Variants in GPC5 observed in about 807,000 individuals in gnomAD.
GPC5 encodes the protein glypican 5.
A neutral mutation model predicts 53.9 loss-of-function variants in GPC5; 47 were observed. The ratio of observed to expected loss-of-function variants is 0.87; its 90% CI spans 0.69 to 1.11. The LOEUF (loss-of-function observed/expected upper bound fraction) is 1.11, where lower values mean the gene tolerates loss of function less well. GPC5 is among the 50% of genes most tolerant of loss of function. The pLI is 0.00. For missense variants in GPC5, 748 were observed against 713.1 expected (o/e 1.05, Z -0.56); for synonymous variants, 286 against 263.3 (o/e 1.09, Z -0.84).
chr13:92,521,631 A>G (rs1390271595), intron 7 of GPC5, among the ~76,000 whole-genome samples: 1 of 152,230 alleles, frequency 6.6e-6, no homozygotes, highest in African/African-American at 2.4e-5. Flanking sequence ...TCAATTCAAG[A>G]TGGATTAAAG....
At chr13:92,671,650 A>C (rs868180815) in intron 7 of GPC5, among the ~76,000 whole-genome samples, 6 of 152,230 alleles carry the variant, frequency 3.9e-5, no homozygotes, top group African/African-American at 7.2e-5. Context: ...GATAGATAAC[A>C]ACAACGAAAA....
intron 7 of GPC5, among the ~76,000 whole-genome samples, chr13:92,756,940 C>T (rs1217835653): frequency 6.6e-6 from 1 of 151,866 alleles, no homozygotes. Context: ...CCATCCCCAT[C>T]AAGCTACCAA....
chr13:92,708,856 C>CTTTTTTTT (rs1566376292), intron 7 of GPC5, among the ~76,000 whole-genome samples: 1 of 87,018 alleles, frequency 1.1e-5, no homozygotes, highest in African/African-American at 3.8e-5. Context: ...CTGGAAACCG[C>CTTTTTTTT]CTTTTTTTTT....
intron 7 of GPC5, among the ~76,000 whole-genome samples, chr13:92,489,257 TA>T (rs1404428565): frequency 6.6e-6 from 1 of 152,202 alleles, no homozygotes. Flanking sequence ...TTCACTTATC[TA>T]ATGATCCTAT....
At chr13:92,460,144 T>TA (rs1201843895) in intron 7 of GPC5, among the ~76,000 whole-genome samples, 9 of 151,992 alleles carry the variant, frequency 5.9e-5, no homozygotes, top group South Asian at 2.1e-4. Flanking sequence ...GCCATAAAAA[T>TA]AAAAAAAATT....
rs774665049 is a variant in GPC5 at position 91,693,348 on chromosome 13, G to A, written c.487G>A (p.Val163Ile). ...TGCGGATGTTAATCCTGAAGAATTT[G>A]TAAACAGATTTTTTGACAGTCTTTT... ...FGADVNPEEFVNRFFDSLFPL... is the reference protein window; with the variant it reads ...FGADVNPEEFINRFFDSLFPL... The change falls in exon 3 of 8, where the codon GTA becomes ATA. Residue 163 changes from valine (V) to isoleucine (I), a missense_variant. Transcript: ENST00000377067. 4 of 1,614,136 alleles carry A rather than the reference G, an allele frequency of 2.5e-6. No individual in the cohort carries two copies. The South Asian group carries it at 3.3e-5, about 13-fold the overall frequency.
chr13:91,649,896 C>T (rs1451592230), intron 2 of GPC5, among the ~76,000 whole-genome samples: 1 of 152,116 alleles, frequency 6.6e-6, no homozygotes, highest in Non-Finnish European at 1.5e-5. Context: ...TTACTATGTT[C>T]AAATTTATAA....
intron 5 of GPC5, among the ~76,000 whole-genome samples, chr13:91,893,361 G>A (rs1360486665): frequency 6.6e-6 from 1 of 151,860 alleles, no homozygotes; most frequent in Non-Finnish European, 1.5e-5. Context: ...ATTTACTTAA[G>A]CCATGTGAAC....
chr13:92,064,331 A>G (rs1030824791), intron 6 of GPC5, among the ~76,000 whole-genome samples: 2 of 152,224 alleles, frequency 1.3e-5, no homozygotes, highest in African/African-American at 4.8e-5. Context: ...AAAAATTACC[A>G]ATATCTGGGT....
intron 1 of GPC5, among the ~76,000 whole-genome samples, chr13:91,417,678 T>C (rs912298524): frequency 6.6e-6 from 1 of 152,178 alleles, no homozygotes; most frequent in African/African-American, 2.4e-5. Flanking sequence ...TCCAGTTAGC[T>C]GTCCTTGGGA....
intron 7 of GPC5, among the ~76,000 whole-genome samples, chr13:92,623,234 A>G (rs978636239): frequency 6.6e-6 from 1 of 152,136 alleles, no homozygotes; most frequent in African/African-American, 2.4e-5. Flanking sequence ...AAAGAGCAAG[A>G]CTGCAGAAAG....
At chr13:92,802,769 A>G (rs778547994) in intron 7 of GPC5, among the ~76,000 whole-genome samples, 3 of 151,990 alleles carry the variant, frequency 2.0e-5, no homozygotes, top group Non-Finnish European at 4.4e-5. Flanking sequence ...GGACACAGGA[A>G]GGGGAACATC....
At chr13:92,676,533 T>C (rs143202296) in intron 7 of GPC5, among the ~76,000 whole-genome samples, 8 of 152,266 alleles carry the variant, frequency 5.3e-5, no homozygotes, top group African/African-American at 1.2e-4. Context: ...TGTGGTTCTG[T>C]GAATAACAAT....
rs1353889808 is a variant in GPC5 at position 91,853,214 on chromosome 13, G to T, written c.1281-54723G>T. On this transcript the variant is annotated intron_variant, in intron 5 of 7. Transcript: ENST00000377067. ...GTTAAAAATTTATTCAAGAAACTTT[G>T]ATATTCAGTCTCTAACTTTTCAAGT... Among the ~76,000 whole-genome samples the T allele has an allele frequency of 3.9e-5, 6 of 152,098 alleles. No individual in the cohort carries two copies. The East Asian group carries it at 1.2e-3, about 29-fold the overall frequency.
intron 1 of GPC5, among the ~76,000 whole-genome samples, chr13:91,422,829 A>G (rs1385681220): frequency 6.6e-6 from 1 of 152,126 alleles, no homozygotes; most frequent in African/African-American, 2.4e-5. Flanking sequence ...CTCTCATGAT[A>G]GTCCATTAAT....
At chr13:92,573,578 G>A (rs994140410) in intron 7 of GPC5, among the ~76,000 whole-genome samples, 15 of 151,734 alleles carry the variant, frequency 9.9e-5, no homozygotes, top group African/African-American at 3.6e-4. Context: ...CCTTTCTCCC[G>A]AACAGTGAGT....
At chr13:91,674,512 T>C (rs979555118) in intron 2 of GPC5, among the ~76,000 whole-genome samples, 2 of 147,544 alleles carry the variant, frequency 1.4e-5, no homozygotes, top group African/African-American at 5.1e-5. Context: ...TGTGTATATA[T>C]ACACATATAT....
At chr13:92,416,429 G>A (rs992846779) in intron 7 of GPC5, among the ~76,000 whole-genome samples, 4 of 152,180 alleles carry the variant, frequency 2.6e-5, no homozygotes, top group Admixed American at 2.0e-4. Context: ...TCAATTTGCT[G>A]TATGAAATAG....
At chr13:92,386,781 C>T (rs10492500) in intron 7 of GPC5, among the ~76,000 whole-genome samples, 6,049 of 152,030 alleles carry the variant, frequency 0.04, 189 homozygotes, top group East Asian at 0.15. Context: ...TATATCTCTC[C>T]AGTTAGTTTC....
Sources: allele counts gnomAD v4.1 joint callset (sites outside exome capture counted in the v4.1 genomes callset), GRCh38; gene constraint gnomAD v4.1.1; transcripts MANE v1.5; gene names NCBI Gene and HGNC (gene_info 2026-07-23, HGNC 2026-07-21).